The following PDE1A variants were observed in gnomAD, a reference collection of about 807,000 sequenced individuals.
The protein encoded by PDE1A is dual specificity calcium/calmodulin-dependent 3',5'-cyclic nucleotide phosphodiesterase 1A.
A neutral mutation model predicts 61.7 loss-of-function variants in PDE1A; 35 were observed. The observed-to-expected ratio is 0.57, with a 90% CI of 0.43 to 0.75. The LOEUF (loss-of-function observed/expected upper bound fraction) is 0.75, where lower values mean the gene tolerates loss of function less well. PDE1A is among the 30% of genes least tolerant of loss of function. The probability of loss-of-function intolerance (pLI) is 0.00; values close to 1 mark genes in which losing one functional copy is unlikely to be tolerated. For synonymous variants in PDE1A, 232 were observed against 213.2 expected (o/e 1.09, Z -0.77); for missense variants, 597 against 630.6 (o/e 0.95, Z 0.57).
At chr2:182,541,386 G>T in the PDE1A span, among the ~76,000 whole-genome samples, 2 of 152,132 alleles carry the variant, frequency 1.3e-5, no homozygotes, top group African/African-American at 4.8e-5. Context: ...GATAAGCTTA[G>T]ATCTATTCCC....
At chr2:182,309,794 A>C (rs1181768134) in intron 1 of PDE1A, among the ~76,000 whole-genome samples, 3 of 152,174 alleles carry the variant, frequency 2.0e-5, no homozygotes, top group Non-Finnish European at 2.9e-5. Context: ...TGTTTCTGAC[A>C]CAAAGACATG....
the PDE1A span, among the ~76,000 whole-genome samples, chr2:182,533,043 G>C: frequency 3.3e-5 from 5 of 151,486 alleles, no homozygotes; most frequent in Middle Eastern, 3.4e-3. Context: ...GGCCAGGCGC[G>C]GCTCAGTCCT....
the PDE1A span, among the ~76,000 whole-genome samples, chr2:182,630,549 CT>C: frequency 0.5 from 75,982 of 150,718 alleles, 19,866 homozygotes; most frequent in Admixed American, 0.63. Flanking sequence ...CTTTAATCCT[CT>C]TTTTTAAAAA....
At chr2:182,321,024 C>A (rs570671432) in intron 1 of PDE1A, among the ~76,000 whole-genome samples, 1 of 152,158 alleles carries the variant, frequency 6.6e-6, no homozygotes, top group Admixed American at 6.6e-5. Context: ...GCAATAGGTT[C>A]TAATAAAATG....
At chr2:182,504,604 AATTTC>A (rs1553634155) in intron 2 of PDE1A, among the ~76,000 whole-genome samples, 1 of 152,162 alleles carries the variant, frequency 6.6e-6, no homozygotes, top group Non-Finnish European at 1.5e-5. Flanking sequence ...TTCGGTTGTG[AATTTC>A]ATTTTGGAAC....
the PDE1A span, among the ~76,000 whole-genome samples, chr2:182,616,965 GA>G: frequency 6.6e-6 from 1 of 152,180 alleles, no homozygotes; most frequent in Non-Finnish European, 1.5e-5. Flanking sequence ...TCCTCCAAAG[GA>G]AATATGACTG....
At chr2:182,596,679 C>CTGGATGGA in the PDE1A span, among the ~76,000 whole-genome samples, 15,522 of 149,014 alleles carry the variant, frequency 0.1, 1,088 homozygotes, top group East Asian at 0.28. Flanking sequence ...GAATAATAAA[C>CTGGATGGA]TGGATGGATG....
chr2:182,498,542 A>T (rs1688863746), intron 2 of PDE1A, among the ~76,000 whole-genome samples: 1 of 152,168 alleles, frequency 6.6e-6, no homozygotes, highest in Admixed American at 6.5e-5. Context: ...TAAGAAAAAA[A>T]GTTATCAAAT....
chr2:182,454,502 T>C (rs1322019569), intron 2 of PDE1A, among the ~76,000 whole-genome samples: 1 of 152,090 alleles, frequency 6.6e-6, no homozygotes, highest in African/African-American at 2.4e-5. Flanking sequence ...GGCGTCATGC[T>C]ACCTGACTTC....
At chr2:182,633,560 T>A in the PDE1A span, among the ~76,000 whole-genome samples, 1 of 152,188 alleles carries the variant, frequency 6.6e-6, no homozygotes, top group African/African-American at 2.4e-5. Flanking sequence ...AGGAGCGTTG[T>A]TAATCTGTGA....
intron 13 of PDE1A, among the ~76,000 whole-genome samples, chr2:182,170,656 GA>G (rs1430506350): frequency 6.6e-6 from 1 of 151,964 alleles, no homozygotes; most frequent in Non-Finnish European, 1.5e-5. Flanking sequence ...CGCTGCCTTA[GA>G]CCTAAGTTCT....
chr2:182,429,015 G>C (rs935621453), upstream of PDE1A, among the ~76,000 whole-genome samples: 1 of 152,012 alleles, frequency 6.6e-6, no homozygotes, highest in Non-Finnish European at 1.5e-5. Flanking sequence ...TCTGAAAGTT[G>C]TTAATCATAG....
At chr2:182,198,873 C>T (rs1686368229) in intron 10 of PDE1A, among the ~76,000 whole-genome samples, 1 of 151,860 alleles carries the variant, frequency 6.6e-6, no homozygotes. Flanking sequence ...TTGTGTAAAA[C>T]TGGCATTATT....
chr2:182,283,933 G>A (rs1693990975), intron 1 of PDE1A, among the ~76,000 whole-genome samples: 1 of 152,056 alleles, frequency 6.6e-6, no homozygotes, highest in African/African-American at 2.4e-5. Flanking sequence ...GATGACACAT[G>A]AAGCCTATTG....
At chr2:182,569,760 A>G in the PDE1A span, among the ~76,000 whole-genome samples, 1 of 152,220 alleles carries the variant, frequency 6.6e-6, no homozygotes, top group Non-Finnish European at 1.5e-5. Flanking sequence ...AACAATTAAC[A>G]ATCTTCTGCC....
the PDE1A span, among the ~76,000 whole-genome samples, chr2:182,638,736 C>T: frequency 2.0e-5 from 3 of 152,120 alleles, no homozygotes; most frequent in African/African-American, 7.2e-5. Context: ...AAGATTACAA[C>T]AGAAGCAGTA....
chr2:182,336,080 G>A (rs528025975), intron 1 of PDE1A, among the ~76,000 whole-genome samples: 81 of 152,150 alleles, frequency 5.3e-4, no homozygotes, highest in African/African-American at 1.6e-3. Context: ...ACTATCTCAC[G>A]CCAGTTAGAA....
intron 2 of PDE1A, among the ~76,000 whole-genome samples, chr2:182,452,101 G>C (rs752691200): frequency 6.6e-6 from 1 of 151,874 alleles, no homozygotes. Flanking sequence ...AAGAGGTCTC[G>C]AATAAATTTT....
At chr2:182,657,594 G>A in the PDE1A span, among the ~76,000 whole-genome samples, 1 of 152,076 alleles carries the variant, frequency 6.6e-6, no homozygotes. Context: ...AAGCTGTAGA[G>A]CTTCTGTGAC....
Sources: allele counts gnomAD v4.1 joint callset (sites outside exome capture counted in the v4.1 genomes callset), GRCh38; gene constraint gnomAD v4.1.1; transcripts MANE v1.5; gene names NCBI Gene and HGNC (gene_info 2026-07-23, HGNC 2026-07-21).